SLC37A1: variants seen among roughly 807,000 people sequenced by gnomAD.
SLC37A1 encodes the protein solute carrier family 37 member 1.
Under a neutral mutation model 75.3 loss-of-function variants are expected in SLC37A1, and 49 were observed. That is an observed-to-expected ratio of 0.65 (90% CI 0.52 to 0.83). The LOEUF is 0.83. Among genes scored for constraint, SLC37A1 ranks in the 40% least tolerant of loss-of-function variants. The pLI, the probability that SLC37A1 is intolerant of heterozygous loss-of-function variation, is 0.00. For missense variants in SLC37A1, 566 were observed against 695.0 expected, an observed-to-expected ratio of 0.81 and a Z score of 2.09; for synonymous variants, 268 against 292.1, an observed-to-expected ratio of 0.92 and a Z score of 0.84.
chr21:42,526,356 A>G (rs945346692), intron 3 of SLC37A1, among the ~76,000 whole-genome samples: 1 of 152,222 alleles, frequency 6.6e-6, no homozygotes, highest in Admixed American at 6.5e-5. Flanking sequence ...ATCACCAGTT[A>G]TAACCTGGAG....
intron 5 of SLC37A1, among the ~76,000 whole-genome samples, chr21:42,536,161 A>G (rs565931421): frequency 6.6e-6 from 1 of 152,338 alleles, no homozygotes; most frequent in Non-Finnish European, 1.5e-5. Context: ...AGGGAACTCC[A>G]GAGAGACACC....
At chr21:42,544,130 C>G (rs2055351285) in intron 8 of SLC37A1, among the ~76,000 whole-genome samples, 1 of 152,176 alleles carries the variant, frequency 6.6e-6, no homozygotes, top group Non-Finnish European at 1.5e-5. Flanking sequence ...AGTAGAGATC[C>G]AGCAGGCTCT....
chr21:42,572,677 C>CACACAAAA (rs1378861804), intron 17 of SLC37A1, among the ~76,000 whole-genome samples: 2 of 80,504 alleles, frequency 2.5e-5, no homozygotes, highest in African/African-American at 8.1e-5. Flanking sequence ...CACACACACA[C>CACACAAAA]AAAAAAAAAA....
chr21:42,543,872 A>C (rs228076), intron 8 of SLC37A1, among the ~76,000 whole-genome samples: 120,360 of 152,222 alleles, frequency 0.79, 48,483 homozygotes, highest in African/African-American at 0.85. Flanking sequence ...CGGCATCAGG[A>C]GTTCATGCAT....
chr21:42,522,005 C>A lies in SLC37A1; in HGVS notation c.56+3495C>A, dbSNP rs560929181. Among the ~76,000 whole-genome samples, 5 of 152,326 alleles carry A rather than the reference C, an allele frequency of 3.3e-5. No individual in the cohort carries two copies. The East Asian group carries it at 9.6e-4, about 29-fold the overall frequency. On this transcript the variant is annotated intron_variant, in intron 2 of 19. Coordinates refer to ENST00000352133, the MANE Select transcript of SLC37A1 (RefSeq NM_001320537.2). ...GGGGACAGACCCTTCCTTGCCTCTTCCAGCTCCTGCTGCTGCCGCCGTTCT... is the reference window on the plus strand; with the variant it reads ...GGGGACAGACCCTTCCTTGCCTCTTACAGCTCCTGCTGCTGCCGCCGTTCT...
chr21:42,531,186 C>G (rs981814358), intron 3 of SLC37A1, among the ~76,000 whole-genome samples: 1 of 152,070 alleles, frequency 6.6e-6, no homozygotes, highest in African/African-American at 2.4e-5. Context: ...CCGCCTTCCC[C>G]GCACACTCGT....
chr21:42,533,009 G>C (rs1277706603), intron 3 of SLC37A1, among the ~76,000 whole-genome samples: 2 of 152,234 alleles, frequency 1.3e-5, no homozygotes, highest in Non-Finnish European at 2.9e-5. Flanking sequence ...CCCACGTGCT[G>C]CCAGCTGTAA....
intron 10 of SLC37A1, among the ~76,000 whole-genome samples, chr21:42,557,004 C>G (rs7283059): frequency 0.076 from 11,634 of 152,238 alleles, 1,510 homozygotes; most frequent in African/African-American, 0.26. Context: ...ACCAGCCCAG[C>G]AAGTGGACCC....
chr21:42,501,073 C>T (rs909731146), intron 1 of SLC37A1, among the ~76,000 whole-genome samples: 5 of 152,188 alleles, frequency 3.3e-5, no homozygotes, highest in Non-Finnish European at 1.5e-5. Flanking sequence ...TGGATAGACT[C>T]GAATTTCACG....
At chr21:42,568,609 G>A (rs1569038166) in intron 17 of SLC37A1, among the ~76,000 whole-genome samples, 171 bp downstream of exon 17, 1 of 152,178 alleles carries the variant, frequency 6.6e-6, no homozygotes, top group Non-Finnish European at 1.5e-5. Flanking sequence ...AGATGGTCAC[G>A]CATGCCTGGG....
chr21:42,557,432 C>T (rs1437487559), intron 10 of SLC37A1, among the ~76,000 whole-genome samples: 3 of 152,266 alleles, frequency 2.0e-5, no homozygotes, highest in South Asian at 2.1e-4. Context: ...TATTCAGAAA[C>T]TCAAGTCGCC....
At chr21:42,529,265 T>C (rs1226728911) in intron 3 of SLC37A1, among the ~76,000 whole-genome samples, 2 of 152,120 alleles carry the variant, frequency 1.3e-5, no homozygotes, top group Admixed American at 6.5e-5. Flanking sequence ...AAATGTTGAA[T>C]CCCTATTTTA....
Position 42,545,804 on chromosome 21 carries a change from G to A in SLC37A1, c.731-1299G>A, listed in dbSNP as rs117501106. 0.011 allele frequency among the ~76,000 whole-genome samples: 1,702 copies of A among 152,370 alleles called. 37 individuals are homozygous for A. Among genetic ancestry groups the A allele is most frequent in the East Asian group, 0.099 (516 of 5,188 alleles). On this transcript the variant is annotated intron_variant, in intron 8 of 19. Coordinates refer to ENST00000352133, the MANE Select transcript of SLC37A1 (RefSeq NM_001320537.2). The surrounding 1 kb of genome is among the most constrained non-coding windows in gnomAD (Gnocchi z 4.0). ...GACCATTGGGACTGCCCAACATGCC[G>A]ACCATGTGTCCTTGGTCAGTGGCCT...
At chr21:42,525,047 C>T (rs1181609121) in intron 2 of SLC37A1, among the ~76,000 whole-genome samples, 1 of 152,216 alleles carries the variant, frequency 6.6e-6, no homozygotes, top group Non-Finnish European at 1.5e-5. Context: ...CCTCCACAGA[C>T]TCCCTCAACG....
At chr21:42,557,284 G>C (rs1027737332) in intron 10 of SLC37A1, among the ~76,000 whole-genome samples, 2 of 152,254 alleles carry the variant, frequency 1.3e-5, no homozygotes, top group African/African-American at 4.8e-5. Flanking sequence ...GGCTGCCCCA[G>C]GGACTGCTTC....
intron 12 of SLC37A1, among the ~76,000 whole-genome samples, chr21:42,562,410 C>G (rs1173564242): frequency 6.6e-6 from 1 of 152,180 alleles, no homozygotes; most frequent in African/African-American, 2.4e-5. Flanking sequence ...CCAGCTAGGG[C>G]TACCAGTTCA....
intron 14 of SLC37A1, 148 bp downstream of exon 14, chr21:42,564,941 C>T: frequency 5.7e-6 from 4 of 703,240 alleles, no homozygotes; most frequent in Non-Finnish European, 9.5e-6. Flanking sequence ...TCCCCCGACC[C>T]CTCCCTTGGC....
At chr21:42,542,212 T>C (rs2055300452) in intron 6 of SLC37A1, among the ~76,000 whole-genome samples, 192 bp from the exon 7 acceptor site, 1 of 152,236 alleles carries the variant, frequency 6.6e-6, no homozygotes, top group East Asian at 1.9e-4. Flanking sequence ...TTGAAAAATA[T>C]ATAGATACCT....
chr21:42,572,585 T>C (rs2056204125), intron 17 of SLC37A1, among the ~76,000 whole-genome samples: 2 of 151,378 alleles, frequency 1.3e-5, no homozygotes, highest in African/African-American at 4.9e-5. Context: ...CAATGTTTAC[T>C]GATGTTTCTC....
Sources: gnomAD v4.1 joint callset for allele counts (sites outside exome capture counted in the v4.1 genomes callset) on GRCh38, gnomAD v4.1.1 for gene constraint, Gnocchi (gnomAD v3.1) non-coding constraint, MANE v1.5 for transcripts, NCBI Gene and HGNC (gene_info 2026-07-23, HGNC 2026-07-21) for gene names.